Variants in MDGA1 observed in about 807,000 individuals in gnomAD.
MDGA1 encodes MAM domain containing glycosylphosphatidylinositol anchor 1.
Under a neutral mutation model 101.5 loss-of-function variants are expected in MDGA1, and 54 were observed. The ratio of observed to expected loss-of-function variants is 0.53; its 90% CI spans 0.43 to 0.67. The LOEUF is 0.67. Ranked by LOEUF, MDGA1 falls within the 30% of genes least tolerant of loss-of-function variation. MDGA1 has a pLI of 0.00. For missense variants in MDGA1, 1,083 were observed against 1,323.8 expected, an observed-to-expected ratio of 0.82 and a Z score of 2.82; for synonymous variants, 533 against 558.3, an observed-to-expected ratio of 0.95 and a Z score of 0.64.
intron 1 of MDGA1, among the ~76,000 whole-genome samples, chr6:37,695,695 A>G (rs1415512706): frequency 2.0e-5 from 3 of 152,250 alleles, no homozygotes; most frequent in African/African-American, 7.2e-5. Flanking sequence ...CCCTGGATCT[A>G]AAAGAGGAAT....
chr6:37,694,605 C>T (rs763883916), intron 1 of MDGA1, among the ~76,000 whole-genome samples: 1 of 152,162 alleles, frequency 6.6e-6, no homozygotes, highest in Non-Finnish European at 1.5e-5. Context: ...CAGAGATCCT[C>T]CCTTCTGCTG....
At position 37,643,950 on chromosome 6, in the gene MDGA1, G is replaced by GGAAT. The variant is rs753113883; in HGVS notation, c.2402-11_2402-8dup. On this transcript the variant is annotated splice_polypyrimidine_tract_variant and splice_region_variant and intron_variant, in intron 13 of 16. Coordinates refer to ENST00000434837, the MANE Select transcript of MDGA1 (RefSeq NM_153487.4). The stretch of plus-strand genomic sequence containing the variant: ...TCGATGAACATGTAGTAGCCTGCGG[G>GGAAT]GAATGGGGAGATGCGCCAACAGCCC... 4.3e-6 allele frequency: 7 copies of GGAAT among 1,613,336 alleles called. No homozygotes were observed. The highest frequency in any genetic ancestry group is 1.1e-5 in the South Asian group (1 of 91,018).
chr6:37,641,558 A>G (rs2113999665), intron 14 of MDGA1, among the ~76,000 whole-genome samples: 1 of 152,346 alleles, frequency 6.6e-6, no homozygotes, highest in Admixed American at 6.5e-5. Context: ...TATGTAACAC[A>G]TGTGCTAATA....
At chr6:37,665,181 G>A (rs574214866) in intron 1 of MDGA1, among the ~76,000 whole-genome samples, 14 of 152,136 alleles carry the variant, frequency 9.2e-5, no homozygotes, top group African/African-American at 2.7e-4. Context: ...TAGCCCCATC[G>A]TCCTAAAGGC....
At chr6:37,651,196 A>T (rs949426813) in intron 7 of MDGA1, among the ~76,000 whole-genome samples, 2 of 152,248 alleles carry the variant, frequency 1.3e-5, no homozygotes, top group African/African-American at 4.8e-5. Flanking sequence ...TAGCTAGTTT[A>T]AGCCACTGTT....
rs1385728985 is a variant in MDGA1, at chr6:37,697,583, C to T, written c.-772G>A. ...ACGGGGAAAGGAGGAAAGTTTGAGT[C>T]TTTTGAAAAATATTCGCGCTCTCGC... On this transcript the variant is annotated 5_prime_UTR_variant, in exon 1 of 17. Transcript: ENST00000434837. 6.6e-6 allele frequency: 1 copy of T among 152,140 alleles called. No homozygotes were observed. The highest frequency in any genetic ancestry group is 1.5e-5 in the Non-Finnish European group (1 of 68,026). The allele number at this position is 152,140 out of a possible 1,614,324, so 9.4% of individuals were successfully genotyped here. A position where few individuals can be genotyped will look rare whatever the true frequency, so the allele number is the denominator to read the frequency against.
At chr6:37,665,563 T>C (rs1761730075) in intron 1 of MDGA1, among the ~76,000 whole-genome samples, 1 of 152,162 alleles carries the variant, frequency 6.6e-6, no homozygotes, top group South Asian at 2.1e-4. Context: ...AGATAAGCAA[T>C]GCTGAAACAA....
chr6:37,659,828 G>A (rs1332878859), intron 2 of MDGA1, among the ~76,000 whole-genome samples: 1 of 152,088 alleles, frequency 6.6e-6, no homozygotes. Context: ...GCAGTTTCAG[G>A]CAAGACATAC....
chr6:37,671,888 C>T (rs1761877617), intron 1 of MDGA1, among the ~76,000 whole-genome samples: 1 of 152,198 alleles, frequency 6.6e-6, no homozygotes, highest in Non-Finnish European at 1.5e-5. Flanking sequence ...GGCCTATAAT[C>T]CCAGCACTTT....
intron 1 of MDGA1, among the ~76,000 whole-genome samples, chr6:37,691,881 C>T (rs1762314995): frequency 6.6e-6 from 1 of 152,222 alleles, no homozygotes. Context: ...CAAGCACCCC[C>T]ATTCCCCTTG....
At chr6:37,653,111 G>A (rs1761406335) in intron 6 of MDGA1, among the ~76,000 whole-genome samples, 1 of 152,204 alleles carries the variant, frequency 6.6e-6, no homozygotes, top group Non-Finnish European at 1.5e-5. Flanking sequence ...CAACCTTCTG[G>A]ACAGGACACT....
Position 37,637,234 on chromosome 6 carries a change from GCCAATGCAGGCCC to G in MDGA1, c.*121_*133del, listed in dbSNP as rs1374612215. 1 of 653,348 alleles carries G rather than the reference GCCAATGCAGGCCC, an allele frequency of 1.5e-6. No individual in the cohort carries two copies. The highest frequency in any genetic ancestry group is 2.7e-5 in the Admixed American group (1 of 36,966). 40.5% of individuals were successfully genotyped at this position (653,348 alleles called of 1,614,324 possible). ...TCCTTGTTCTCTGCTCATCCTTGCA[GCCAATGCAGGCCC>G]CCTCCCTGGCGGGCCGGCCCTGCCC... On this transcript the variant is annotated 3_prime_UTR_variant, in exon 17 of 17. Transcript: ENST00000434837.
At chr6:37,664,729 T>A (rs1338438916) in intron 1 of MDGA1, among the ~76,000 whole-genome samples, 2 of 150,742 alleles carry the variant, frequency 1.3e-5, no homozygotes, top group Non-Finnish European at 2.9e-5. Context: ...CTTGGCTGCC[T>A]CACTCATTCC....
rs1225465612 is a variant in MDGA1, at chr6:37,636,244, C to A, written c.*1124G>T. 6.6e-6 allele frequency: 1 copy of A among 152,620 alleles called. No homozygotes were observed. The highest frequency in any genetic ancestry group is 1.5e-5 in the Non-Finnish European group (1 of 68,334). The allele number at this position is 152,620 out of a possible 1,614,324, so 9.5% of individuals were successfully genotyped here. On this transcript the variant is annotated 3_prime_UTR_variant, in exon 17 of 17. Coordinates refer to ENST00000434837, the MANE Select transcript of MDGA1 (RefSeq NM_153487.4). ...CTCCCAGAGAGTGAGGGGACTGGCACCTGCTCCCTCCACCAATCCCAGCTC... is the reference window on the plus strand; with the variant it reads ...CTCCCAGAGAGTGAGGGGACTGGCAACTGCTCCCTCCACCAATCCCAGCTC...
In MDGA1 at chr6:37,655,095, G is replaced by T. The variant is rs556226566; in HGVS notation, c.580-163C>A. The T allele has an allele frequency of 2.5e-5, 20 of 804,052 alleles. No homozygotes were observed. The South Asian group carries it at 2.5e-4, about 10-fold the overall frequency. The allele number at this position is 804,052 out of a possible 1,614,324, so 49.8% of individuals were successfully genotyped here. A position where few individuals can be genotyped will look rare whatever the true frequency, so the allele number is the denominator to read the frequency against. ...ATTTAGCCCCAGGGGTCCTGAGCCT[G>T]GGGTGGATGCTACACTCTCCATAGC... On this transcript the variant is annotated intron_variant, in intron 4 of 16. Transcript: ENST00000434837. The surrounding 1 kb of genome is among the most constrained non-coding windows in gnomAD (Gnocchi z 5.1).
At chr6:37,657,007 T>A (rs1761504319) in intron 3 of MDGA1, among the ~76,000 whole-genome samples, 1 of 152,198 alleles carries the variant, frequency 6.6e-6, no homozygotes, top group Non-Finnish European at 1.5e-5. Context: ...CAGGGGGGAA[T>A]TATTGACTGG....
intron 9 of MDGA1, 89 bp downstream of exon 9, chr6:37,648,893 C>A: frequency 6.8e-7 from 1 of 1,465,892 alleles, no homozygotes; most frequent in Non-Finnish European, 9.0e-7. Flanking sequence ...GCAGGCCCAC[C>A]CAGGCAAAGA....
Position 37,696,760 on chromosome 6 carries a change from C to G in MDGA1, c.52G>C (p.Gly18Arg). 6.3e-7 allele frequency: 1 copy of G among 1,583,516 alleles called. No homozygotes were observed. Among genetic ancestry groups the G allele is most frequent in the Non-Finnish European group, 8.6e-7 (1 of 1,164,176 alleles). The change falls in exon 1 of 17, where the codon GGA (glycine) becomes CGA (arginine). Residue 18 changes from glycine (G) to arginine (R), a missense_variant. Physicochemically the swap from Gly to Arg is moderately radical, Grantham distance 125 (BLOSUM62 -2). Coordinates refer to ENST00000434837, the MANE Select transcript of MDGA1 (RefSeq NM_153487.4). This position sits in a 1 kb window ranked among gnomAD's most constrained non-coding sequence, Gnocchi z 5.6. ...GGGCTCTTACCGTAGACTCCTTGTCCCCGGCAGTGGAAGGGGATCAGCGCC... is the reference window on the plus strand; with the variant it reads ...GGGCTCTTACCGTAGACTCCTTGTCGCCGGCAGTGGAAGGGGATCAGCGCC... ...LLALIPFHCR[G>R]QGVYAPAQAQ...
In MDGA1 at chr6:37,635,328, GA is replaced by G. The variant is rs1225626047; in HGVS notation, c.*2039del. On this transcript the variant is annotated 3_prime_UTR_variant, in exon 17 of 17. Coordinates refer to ENST00000434837, the MANE Select transcript of MDGA1 (RefSeq NM_153487.4). Reference sequence around the variant, plus strand: ...GCACGAGCGGGAGGTGGCGAAGGTGGAGGGGGGACTTGGAAGGCTCAGAGGA... The same window carrying G: ...GCACGAGCGGGAGGTGGCGAAGGTGGGGGGGGACTTGGAAGGCTCAGAGGA... 2.5e-6 allele frequency: 1 copy of G among 397,776 alleles called. No individual in the cohort carries two copies. The highest frequency in any genetic ancestry group is 4.4e-6 in the Non-Finnish European group (1 of 226,152). 24.6% of individuals were successfully genotyped at this position (397,776 alleles called of 1,614,324 possible).
Sources: allele counts gnomAD v4.1 joint callset (sites outside exome capture counted in the v4.1 genomes callset), GRCh38; gene constraint gnomAD v4.1.1; non-coding constraint Gnocchi (gnomAD v3.1); transcripts MANE v1.5; gene names NCBI Gene and HGNC (gene_info 2026-07-23, HGNC 2026-07-21).